Variants in CAB39 observed in about 807,000 individuals in gnomAD.
CAB39 encodes the protein calcium-binding protein 39.
CAB39 carries 8 observed loss-of-function variants against 40.0 expected under a neutral mutation model. The observed-to-expected ratio is 0.20, with a 90% CI of 0.12 to 0.36. The LOEUF is 0.36. CAB39 is among the 10% of genes least tolerant of loss of function. The probability of loss-of-function intolerance (pLI) is 1.00; values close to 1 mark genes in which losing one functional copy is unlikely to be tolerated. For missense variants in CAB39, 270 were observed against 401.1 expected, an observed-to-expected ratio of 0.67 and a Z score of 2.79; for synonymous variants, 156 against 141.6, an observed-to-expected ratio of 1.10 and a Z score of -0.72.
At chr2:230,752,260 AT>A (rs943743177) in intron 1 of CAB39, 5 of 151,796 alleles carry the variant, frequency 3.3e-5, no homozygotes, top group South Asian at 2.1e-4. Context: ...AAAAAAAAAA[AT>A]ATTTCAATGG....
At chr2:230,797,136 T>C (rs1695999952) in intron 4 of CAB39, among the ~76,000 whole-genome samples, 1 of 152,160 alleles carries the variant, frequency 6.6e-6, no homozygotes, top group African/African-American at 2.4e-5. Context: ...TCATTTCCAA[T>C]TGTCCAGGTA....
Position 230,788,211 on chromosome 2 carries a change from G to A in CAB39, c.115-2661G>A, listed in dbSNP as rs1695828275. Among the ~76,000 whole-genome samples the A allele has an allele frequency of 2.7e-5, 4 of 146,376 alleles. No individual in the cohort carries two copies. In the South Asian group the frequency reaches 8.4e-4, roughly 31 times the overall value. ...TACTCTACTTGGGTCTCCTTTGTTG[G>A]TTTATTAGCTATAAATCTTTGATTT... On this transcript the variant is annotated intron_variant, in intron 2 of 8. Coordinates refer to ENST00000258418, the MANE Select transcript of CAB39 (RefSeq NM_016289.4).
chr2:230,808,676 G>A (rs1251005744), intron 5 of CAB39, among the ~76,000 whole-genome samples: 1 of 152,164 alleles, frequency 6.6e-6, no homozygotes, highest in Non-Finnish European at 1.5e-5. Flanking sequence ...CCTCAAGGAG[G>A]ATTTGGGAAA....
chr2:230,781,949 C>CT (rs1232766954), intron 2 of CAB39, among the ~76,000 whole-genome samples: 1 of 152,192 alleles, frequency 6.6e-6, no homozygotes, highest in East Asian at 1.9e-4. Flanking sequence ...ACTGCAACCT[C>CT]TGTCTCCAAG....
At chr2:230,810,208 C>G (rs369936179) in intron 5 of CAB39, 55 bp from the exon 6 acceptor site, 1 of 768,090 alleles carries the variant, frequency 1.3e-6, no homozygotes, top group Non-Finnish European at 2.2e-6. Flanking sequence ...ATTTAGGATT[C>G]GCTTTTTTGA....
chr2:230,785,042 G>A (rs1456031844), intron 2 of CAB39, among the ~76,000 whole-genome samples: 1 of 152,240 alleles, frequency 6.6e-6, no homozygotes, highest in Admixed American at 6.5e-5. Context: ...ATAAGGAATG[G>A]CATGCACTGT....
chr2:230,790,331 G>A (rs1695872575), intron 2 of CAB39, among the ~76,000 whole-genome samples: 1 of 152,064 alleles, frequency 6.6e-6, no homozygotes, highest in South Asian at 2.1e-4. Context: ...TCTATCTTGA[G>A]CAGAAGTAGA....
intron 5 of CAB39, among the ~76,000 whole-genome samples, chr2:230,808,275 AG>A (rs1414206266): frequency 1.3e-5 from 2 of 151,924 alleles, no homozygotes; most frequent in Non-Finnish European, 2.9e-5. Context: ...TAGTAGAGAC[AG>A]GGTTTCACCA....
intron 2 of CAB39, among the ~76,000 whole-genome samples, chr2:230,787,900 G>C (rs537715240): frequency 6.6e-6 from 1 of 152,334 alleles, no homozygotes; most frequent in African/African-American, 2.4e-5. Flanking sequence ...AGTAGACAGT[G>C]TAGTGAAGCA....
At chr2:230,803,578 G>A (rs1575958092) in intron 5 of CAB39, among the ~76,000 whole-genome samples, 2 of 152,268 alleles carry the variant, frequency 1.3e-5, no homozygotes, top group African/African-American at 2.4e-5. Context: ...CAAAATCAAG[G>A]TGCAAAAATC....
intron 2 of CAB39, among the ~76,000 whole-genome samples, chr2:230,761,318 T>G (rs1388762396): frequency 6.6e-6 from 1 of 152,204 alleles, no homozygotes; most frequent in African/African-American, 2.4e-5. Flanking sequence ...TTCCTGACTC[T>G]GAATTTATAT....
rs1469001372 is a variant in CAB39, at chr2:230,712,952, G to C, written c.-322G>C. On this transcript the variant is annotated 5_prime_UTR_variant, in exon 1 of 9. Transcript: ENST00000258418. ...CAGGCGCCGGGGCGGGGGCACAGGC[G>C]AAGACTAAGGCGGCGCCGGGCCCCA... is the stretch of plus-strand genomic sequence containing the variant. The C allele has an allele frequency of 6.6e-6, 1 of 151,624 alleles. No individual in the cohort carries two copies. The highest frequency in any genetic ancestry group is 1.5e-5 in the Non-Finnish European group (1 of 67,936). The allele number at this position is 151,624 out of a possible 1,614,324, so 9.4% of individuals were successfully genotyped here.
intron 7 of CAB39, among the ~76,000 whole-genome samples, chr2:230,814,397 A>G (rs544671890): frequency 6.6e-6 from 1 of 152,260 alleles, no homozygotes; most frequent in South Asian, 2.1e-4. Context: ...AGCCATAGTC[A>G]TATCAGCTAG....
intron 1 of CAB39, chr2:230,725,443 G>T (rs1694548163): frequency 1.3e-6 from 2 of 1,521,034 alleles, no homozygotes; most frequent in Non-Finnish European, 1.8e-6. Flanking sequence ...TCCCGTAACG[G>T]TTCCTCCCGC....
chr2:230,744,632 A>T (rs1575915563), intron 1 of CAB39, among the ~76,000 whole-genome samples: 1 of 152,360 alleles, frequency 6.6e-6, no homozygotes, highest in East Asian at 1.9e-4. Flanking sequence ...CTGTGTTTAG[A>T]TGTTACAGTG....
At chr2:230,739,736 C>T (rs958766095) in intron 1 of CAB39, among the ~76,000 whole-genome samples, 6 of 152,170 alleles carry the variant, frequency 3.9e-5, no homozygotes, top group Non-Finnish European at 8.8e-5. Context: ...TCGGGTGATC[C>T]GCCCACCTCG....
At chr2:230,748,524 G>A (rs1327733482) in intron 1 of CAB39, among the ~76,000 whole-genome samples, 1 of 152,062 alleles carries the variant, frequency 6.6e-6, no homozygotes, top group Non-Finnish European at 1.5e-5. Flanking sequence ...TTACAAAATG[G>A]GTTGGGTGCG....
chr2:230,810,353 T>A (rs765738834), intron 6 of CAB39, 31 bp downstream of exon 6: 1 of 830,334 alleles, frequency 1.2e-6, no homozygotes, highest in Non-Finnish European at 1.9e-6. Flanking sequence ...TTTTAAATAA[T>A]AAATTGTAAC....
At chr2:230,755,044 A>G (rs1695166137) in intron 1 of CAB39, among the ~76,000 whole-genome samples, 1 of 152,132 alleles carries the variant, frequency 6.6e-6, no homozygotes, top group African/African-American at 2.4e-5. Context: ...GTAGTAGTCC[A>G]TCATATATAT....
Sources: allele counts gnomAD v4.1 joint callset (sites outside exome capture counted in the v4.1 genomes callset), GRCh38; gene constraint gnomAD v4.1.1; transcripts MANE v1.5; gene names NCBI Gene and HGNC (gene_info 2026-07-23, HGNC 2026-07-21).